The following SMYD3 variants were observed in gnomAD, a reference collection of about 807,000 sequenced individuals.
SMYD3 encodes the protein histone-lysine N-methyltransferase SMYD3.
SMYD3 carries 36 observed loss-of-function variants against 57.7 expected under a neutral mutation model. The observed-to-expected ratio is 0.62, with a 90% CI of 0.48 to 0.82. SMYD3 has a LOEUF of 0.82. Ranked by LOEUF, SMYD3 falls within the 40% of genes least tolerant of loss-of-function variation. The pLI is 0.00. For missense variants in SMYD3, 515 were observed against 538.8 expected (o/e 0.96, Z 0.44); for synonymous variants, 211 against 195.0 (o/e 1.08, Z -0.68).
At position 245,995,850 on chromosome 1, in the gene SMYD3, G is replaced by A. The variant is rs184425102; in HGVS notation, c.532-65913C>T. On this transcript the variant is annotated intron_variant, in intron 5 of 11. Coordinates refer to ENST00000490107, the MANE Select transcript of SMYD3 (RefSeq NM_001167740.2). ...CAGAGAGCCAATAGACATGCACAGG[G>A]GGCAGGCCAAGAGAGCCATGCCCCT... 3.9e-5 allele frequency among the ~76,000 whole-genome samples: 6 copies of A among 152,278 alleles called. No individual in the cohort carries two copies. In the East Asian group the frequency reaches 1.2e-3, roughly 29 times the overall value.
intron 1 of SMYD3, among the ~76,000 whole-genome samples, chr1:246,432,506 T>C (rs573205162): frequency 6.6e-6 from 1 of 152,326 alleles, no homozygotes; most frequent in South Asian, 2.1e-4. Context: ...AAATATGTAA[T>C]CTGCACAGTG....
chr1:245,844,510 A>G (rs1177195851), intron 10 of SMYD3, among the ~76,000 whole-genome samples: 1 of 152,226 alleles, frequency 6.6e-6, no homozygotes, highest in Non-Finnish European at 1.5e-5. Flanking sequence ...GCAACTCAAC[A>G]GTACAGGAGT....
chr1:246,303,973 G>C (rs2064937810), intron 5 of SMYD3, among the ~76,000 whole-genome samples: 1 of 152,150 alleles, frequency 6.6e-6, no homozygotes, highest in South Asian at 2.1e-4. Flanking sequence ...ACTAATTATT[G>C]TGTTCATCTA....
intron 5 of SMYD3, among the ~76,000 whole-genome samples, chr1:246,325,019 G>T (rs1444815108): frequency 3.0e-5 from 1 of 33,506 alleles, no homozygotes; most frequent in African/African-American, 1.2e-4. Flanking sequence ...AGTCGGGGGA[G>T]CGGGAAGGAG....
intron 2 of SMYD3, among the ~76,000 whole-genome samples, chr1:246,354,468 G>T (rs1169703199): frequency 6.6e-6 from 1 of 152,084 alleles, no homozygotes; most frequent in African/African-American, 2.4e-5. Context: ...TGCAAAACAG[G>T]ATGTGAAGTG....
At chr1:245,870,936 A>G (rs1002779848) in intron 8 of SMYD3, among the ~76,000 whole-genome samples, 1 of 152,156 alleles carries the variant, frequency 6.6e-6, no homozygotes, top group Admixed American at 6.5e-5. Context: ...TGCTGGGCCA[A>G]TTTCAGATGG....
chr1:245,954,929 A>G (rs1306370024), intron 5 of SMYD3, among the ~76,000 whole-genome samples: 3 of 151,520 alleles, frequency 2.0e-5, no homozygotes, highest in Non-Finnish European at 4.4e-5. Flanking sequence ...ACAAAAGAGA[A>G]ACAGGAGATC....
intron 8 of SMYD3, among the ~76,000 whole-genome samples, chr1:245,903,725 T>C (rs1469609176): frequency 6.6e-6 from 1 of 152,172 alleles, no homozygotes; most frequent in Non-Finnish European, 1.5e-5. Flanking sequence ...TCATCTGGAA[T>C]TGTAACTGGG....
intron 1 of SMYD3, among the ~76,000 whole-genome samples, chr1:246,487,449 G>A (rs6672411): frequency 0.046 from 6,998 of 151,546 alleles, 521 homozygotes; most frequent in African/African-American, 0.16. Flanking sequence ...AACAGAGCAA[G>A]ACTCTGTCTG....
At chr1:246,458,375 T>C (rs2067736922) in intron 1 of SMYD3, among the ~76,000 whole-genome samples, 1 of 151,386 alleles carries the variant, frequency 6.6e-6, no homozygotes, top group Non-Finnish European at 1.5e-5. Context: ...ACATAGCTCA[T>C]CTGTGCATGA....
intron 5 of SMYD3, among the ~76,000 whole-genome samples, chr1:246,071,603 G>A (rs745814763): frequency 6.6e-6 from 1 of 152,098 alleles, no homozygotes; most frequent in Non-Finnish European, 1.5e-5. Flanking sequence ...TTGGTATACA[G>A]GCCTTTAAAA....
At chr1:245,941,479 C>A (rs1210933143) in intron 5 of SMYD3, among the ~76,000 whole-genome samples, 3 of 152,138 alleles carry the variant, frequency 2.0e-5, no homozygotes, top group Admixed American at 6.5e-5. Context: ...TCAGTGGAAA[C>A]CCTACAAGGT....
intron 9 of SMYD3, among the ~76,000 whole-genome samples, chr1:245,862,926 T>G (rs1241299867): frequency 6.6e-6 from 1 of 152,192 alleles, no homozygotes; most frequent in African/African-American, 2.4e-5. Flanking sequence ...AGTGGGCTAT[T>G]GATTCAAAAT....
intron 5 of SMYD3, among the ~76,000 whole-genome samples, chr1:246,254,144 T>C (rs548780365): frequency 7.8e-4 from 119 of 152,358 alleles, no homozygotes; most frequent in African/African-American, 2.4e-3. Flanking sequence ...GCAGAAGTTC[T>C]TTGGTTTAAT....
At chr1:246,432,552 A>T (rs1264153596) in intron 1 of SMYD3, among the ~76,000 whole-genome samples, 4 of 152,238 alleles carry the variant, frequency 2.6e-5, no homozygotes, top group Non-Finnish European at 4.4e-5. Flanking sequence ...TAATGAGTTT[A>T]CTCATGTTCA....
intron 5 of SMYD3, among the ~76,000 whole-genome samples, chr1:246,287,401 T>A (rs973914081): frequency 6.6e-6 from 1 of 152,196 alleles, no homozygotes; most frequent in Admixed American, 6.5e-5. Flanking sequence ...CACTATTTAA[T>A]AGTTTATGTT....
chr1:245,918,972 A>G (rs963931998), intron 7 of SMYD3, among the ~76,000 whole-genome samples: 1 of 152,186 alleles, frequency 6.6e-6, no homozygotes, highest in Non-Finnish European at 1.5e-5. Context: ...ACAAGGGCCA[A>G]AACTCATGAG....
chr1:245,899,662 A>T (rs1426661041), intron 8 of SMYD3, among the ~76,000 whole-genome samples: 1 of 152,236 alleles, frequency 6.6e-6, no homozygotes, highest in Non-Finnish European at 1.5e-5. Context: ...AGTGGGCCAC[A>T]GGGTGCCCAG....
chr1:245,902,286 C>T (rs1432845058), intron 8 of SMYD3, among the ~76,000 whole-genome samples: 1 of 152,206 alleles, frequency 6.6e-6, no homozygotes, highest in Non-Finnish European at 1.5e-5. Context: ...GCACATTTTC[C>T]TCAAAGCATG....
Sources: gnomAD v4.1 joint callset for allele counts (sites outside exome capture counted in the v4.1 genomes callset) on GRCh38, gnomAD v4.1.1 for gene constraint, MANE v1.5 for transcripts, NCBI Gene and HGNC (gene_info 2026-07-23, HGNC 2026-07-21) for gene names.